DNAH14: variants seen among roughly 807,000 people sequenced by gnomAD.
DNAH14 encodes axonemal beta dynein heavy chain 14.
Under a neutral mutation model 520.9 loss-of-function variants are expected in DNAH14, and 478 were observed. That is an observed-to-expected ratio of 0.92 (90% CI 0.85 to 0.99). The LOEUF is 0.99. DNAH14 is among the 50% of genes least tolerant of loss of function. The pLI, the probability that DNAH14 is intolerant of heterozygous loss-of-function variation, is 0.00. For synonymous variants in DNAH14, 1,581 were observed against 1,757.2 expected (o/e 0.90, Z 2.51); for missense variants, 4,831 against 5,234.5 (o/e 0.92, Z 2.38).
At chr1:225,342,501 A>G (rs1441152343) in intron 69 of DNAH14, among the ~76,000 whole-genome samples, 1 of 152,114 alleles carries the variant, frequency 6.6e-6, no homozygotes, top group Non-Finnish European at 1.5e-5. Flanking sequence ...TGAATTCTTT[A>G]ATTGCTTTCA....
At chr1:225,041,480 C>T (rs2067475926) in intron 12 of DNAH14, among the ~76,000 whole-genome samples, 1 of 152,196 alleles carries the variant, frequency 6.6e-6, no homozygotes, top group African/African-American at 2.4e-5. Context: ...TTCTTCACTA[C>T]AAAAATATTT....
intron 41 of DNAH14, among the ~76,000 whole-genome samples, chr1:225,228,396 A>G (rs2090759287): frequency 6.6e-6 from 1 of 152,342 alleles, no homozygotes; most frequent in South Asian, 2.1e-4. Flanking sequence ...GCATAAGCAT[A>G]TCTGTGTCAC....
At chr1:225,031,268 T>C (rs1190221235) in intron 11 of DNAH14, among the ~76,000 whole-genome samples, 3 of 152,122 alleles carry the variant, frequency 2.0e-5, no homozygotes, top group Non-Finnish European at 4.4e-5. Context: ...TTTTCTTTGG[T>C]AGACAATTTA....
At chr1:225,335,411 G>GTA (rs770245294) in intron 66 of DNAH14, among the ~76,000 whole-genome samples, 1,552 of 76,090 alleles carry the variant, frequency 0.02, 203 homozygotes, top group South Asian at 0.028. Context: ...ACATGTGTGT[G>GTA]TATGCACATA....
At chr1:225,318,383 T>C (rs2094502723) in intron 60 of DNAH14, among the ~76,000 whole-genome samples, 200 bp from the exon 61 acceptor site, 1 of 152,226 alleles carries the variant, frequency 6.6e-6, no homozygotes, top group African/African-American at 2.4e-5. Flanking sequence ...CATCAAGGAT[T>C]GAATCATACA....
intron 10 of DNAH14, among the ~76,000 whole-genome samples, chr1:225,017,964 T>A (rs1030702026): frequency 4.6e-5 from 7 of 152,128 alleles, no homozygotes; most frequent in Non-Finnish European, 8.8e-5. Context: ...CTTTCACAGA[T>A]CAGAAACAGA....
chr1:224,994,811 T>C (rs983637560), intron 8 of DNAH14, among the ~76,000 whole-genome samples: 3 of 152,068 alleles, frequency 2.0e-5, no homozygotes, highest in African/African-American at 7.2e-5. Flanking sequence ...GAATTTGTTC[T>C]TTTTTTGTGT....
At chr1:225,352,023 G>A (rs2095371809) in intron 72 of DNAH14, 140 bp downstream of exon 72, 2 of 651,586 alleles carry the variant, frequency 3.1e-6, no homozygotes, top group East Asian at 2.8e-5. Flanking sequence ...GCATGCACAT[G>A]TTATTCATTA....
intron 36 of DNAH14, among the ~76,000 whole-genome samples, chr1:225,176,895 C>A (rs1423244887): frequency 6.6e-6 from 1 of 152,116 alleles, no homozygotes; most frequent in African/African-American, 2.4e-5. Flanking sequence ...CAGACAAATG[C>A]AGTAAACTGG....
In DNAH14 at chr1:225,126,425, T is replaced by C. The variant is rs146976981; in HGVS notation, c.4254+2811T>C. On this transcript the variant is annotated intron_variant, in intron 27 of 85. Transcript: ENST00000682510. ...ATTTAGAGATTCAACTTCTTCCTGGTTTAGTCTTGGAAGAGTGTATGTGTC... is the reference window on the plus strand; with the variant it reads ...ATTTAGAGATTCAACTTCTTCCTGGCTTAGTCTTGGAAGAGTGTATGTGTC... 1.1e-3 allele frequency among the ~76,000 whole-genome samples: 171 copies of C among 152,320 alleles called. 1 individual carries two copies. Among genetic ancestry groups the C allele is most frequent in the African/African-American group, 4.0e-3 (165 of 41,572 alleles).
chr1:224,934,237 G>A (rs1213985508), intron 1 of DNAH14, among the ~76,000 whole-genome samples: 1 of 151,928 alleles, frequency 6.6e-6, no homozygotes, highest in African/African-American at 2.4e-5. Flanking sequence ...TGATTTTAAA[G>A]AATCTCAGTG....
intron 36 of DNAH14, among the ~76,000 whole-genome samples, chr1:225,169,177 A>G (rs1039026186): frequency 9.2e-5 from 14 of 152,228 alleles, no homozygotes; most frequent in African/African-American, 3.1e-4. Context: ...AAAGGTAGAT[A>G]AAACCACAAA....
rs375449724 is a variant in DNAH14, at chr1:225,207,146, C to T, written c.6365C>T (p.Thr2122Ile). ...CAGCCATATCCTATGGAGGACATAA[C>T]AGTCGTCATAACCCTCTGCAGAATT... is the stretch of plus-strand genomic sequence containing the variant. ...KFQPYPMEDITVVITLCRILD... is the reference protein window; with the variant it reads ...KFQPYPMEDIIVVITLCRILD... Residue 2122 changes from threonine (T) to isoleucine (I), a missense_variant, in exon 41 of 86, where the codon ACA (threonine) becomes ATA (isoleucine). Coordinates refer to ENST00000682510, the MANE Select transcript of DNAH14 (RefSeq NM_001367479.1). 6.5e-5 allele frequency: 101 copies of T among 1,550,654 alleles called. No individual in the cohort carries two copies. Among genetic ancestry groups the T allele is most frequent in the Non-Finnish European group, 7.9e-5 (91 of 1,146,430 alleles).
chr1:225,079,222 T>C lies in DNAH14; in HGVS notation c.2440T>C (p.Leu814=). 1 of 1,543,810 alleles carries C rather than the reference T, an allele frequency of 6.5e-7. No individual in the cohort carries two copies. Among genetic ancestry groups the C allele is most frequent in the African/African-American group, 1.4e-5 (1 of 72,602 alleles). Residue 814 remains leucine (L), a synonymous_variant, in exon 18 of 86, where the codon TTG becomes CTG. Coordinates refer to ENST00000682510, the MANE Select transcript of DNAH14 (RefSeq NM_001367479.1). The part of the protein sequence containing the change: ...KNLLEVVESS[L]QQLECDPTEI... ...TTGATTTCAGGTTGTGGAATCATCA[T>C]TGCAGCAGCTGGAATGTGATCCCAC...
chr1:225,383,367 A>T (rs953721701), intron 81 of DNAH14, among the ~76,000 whole-genome samples: 1 of 152,216 alleles, frequency 6.6e-6, no homozygotes, highest in Non-Finnish European at 1.5e-5. Flanking sequence ...GATCTTAGGG[A>T]ACCCCCACTC....
At position 225,368,013 on chromosome 1, in the gene DNAH14, T is replaced by G; in HGVS notation, c.12299T>G (p.Phe4100Cys). 6.5e-7 allele frequency: 1 copy of G among 1,548,860 alleles called. No homozygotes were observed. The highest frequency in any genetic ancestry group is 8.7e-7 in the Non-Finnish European group (1 of 1,146,360). The stretch of plus-strand genomic sequence containing the variant: ...TTGGGCTGGAATATTGCTTATAAAT[T>G]TAATTCTTCAGACTTGGGGGTAAGT... ...GILGWNIAYK[F>C]NSSDLGVAIK... is the part of the protein sequence containing the mutation. The change falls in exon 77 of 86, where the codon TTT becomes TGT. Residue 4100 changes from phenylalanine to cysteine, a missense_variant. Phe to Cys is a radical substitution (Grantham distance 205). Transcript: ENST00000682510.
At position 224,955,915 on chromosome 1, in the gene DNAH14, C is replaced by T. The variant is rs77390390; in HGVS notation, c.217+817C>T. Among the ~76,000 whole-genome samples the T allele has an allele frequency of 2.6e-3, 399 of 152,194 alleles. 1 individual carries two copies. Among genetic ancestry groups the T allele is most frequent in the African/African-American group, 9.4e-3 (389 of 41,524 alleles). Reference sequence around the variant, plus strand: ...TGAAAGAGTAGCCTAGACTTCCTTACCTCTAATTCATTCCTCAACCTGGAT... The same window carrying T: ...TGAAAGAGTAGCCTAGACTTCCTTATCTCTAATTCATTCCTCAACCTGGAT... On this transcript the variant is annotated intron_variant, in intron 3 of 85. Coordinates refer to ENST00000682510, the MANE Select transcript of DNAH14 (RefSeq NM_001367479.1).
intron 27 of DNAH14, among the ~76,000 whole-genome samples, chr1:225,135,341 C>T (rs2078858735): frequency 6.6e-6 from 1 of 152,120 alleles, no homozygotes; most frequent in South Asian, 2.1e-4. Flanking sequence ...CCCAGAGATT[C>T]TGGTATGTTG....
chr1:225,303,364 A>T lies in DNAH14; in HGVS notation c.8823+17A>T. The T allele has an allele frequency of 1.9e-6, 3 of 1,540,956 alleles. No individual in the cohort carries two copies. The highest frequency in any genetic ancestry group is 2.6e-6 in the Non-Finnish European group (3 of 1,142,266). ...AACAGAGAGGTAAATATCTAATGCA[A>T]GTGAAGGTTTCAGTTTATTGACAGC... On this transcript the variant is annotated intron_variant, in intron 57 of 85. Coordinates refer to ENST00000682510, the MANE Select transcript of DNAH14 (RefSeq NM_001367479.1).
Sources: allele counts gnomAD v4.1 joint callset (sites outside exome capture counted in the v4.1 genomes callset), GRCh38; gene constraint gnomAD v4.1.1; transcripts MANE v1.5; gene names NCBI Gene and HGNC (gene_info 2026-07-23, HGNC 2026-07-21).